Variants in PTPRD observed in about 807,000 individuals in gnomAD.
PTPRD encodes the protein receptor-type tyrosine-protein phosphatase delta.
PTPRD carries 34 observed loss-of-function variants against 214.5 expected under a neutral mutation model. The ratio of observed to expected loss-of-function variants is 0.16; its 90% confidence interval spans 0.12 to 0.21. PTPRD has a LOEUF of 0.21. Ranked by LOEUF, PTPRD falls within the 10% of genes least tolerant of loss-of-function variation. The pLI is 1.00. For missense variants in PTPRD, 2,545 were observed against 2,398.7 expected, an observed-to-expected ratio of 1.06 and a Z score of -1.27; for synonymous variants, 1,128 against 845.7, an observed-to-expected ratio of 1.33 and a Z score of -5.79.
chr9:9,587,946 G>A (rs1194709175), intron 7 of PTPRD, among the ~76,000 whole-genome samples: 1 of 151,960 alleles, frequency 6.6e-6, no homozygotes, highest in Non-Finnish European at 1.5e-5. Flanking sequence ...GCCGACTAAA[G>A]TGACTATATC....
Position 10,253,314 on chromosome 9 carries a change from T to A in PTPRD, c.-545+87649A>T, listed in dbSNP as rs146544648. ...TTCCTAAGGCCAAGAGAAGAGTATT[T>A]CCATCAGTAATTGCCATAGTACCAG... On this transcript the variant is annotated intron_variant, in intron 3 of 45. Coordinates refer to ENST00000381196, the MANE Select transcript of PTPRD (RefSeq NM_002839.4). 2.0e-3 allele frequency among the ~76,000 whole-genome samples: 311 copies of A among 152,292 alleles called. 1 individual carries two copies. Among genetic ancestry groups the A allele is most frequent in the African/African-American group, 7.3e-3 (305 of 41,572 alleles).
intron 2 of PTPRD, among the ~76,000 whole-genome samples, chr9:10,430,232 T>A (rs185067719): frequency 6.6e-6 from 1 of 152,086 alleles, no homozygotes; most frequent in East Asian, 1.9e-4. Flanking sequence ...AAAAGACAAT[T>A]TGATATCCTT....
At chr9:9,171,499 G>A (rs2099917604) in intron 10 of PTPRD, among the ~76,000 whole-genome samples, 1 of 151,670 alleles carries the variant, frequency 6.6e-6, no homozygotes. Flanking sequence ...GTGATTGAAG[G>A]GGTCTTAAAT....
chr9:10,261,133 T>C (rs2093676306), intron 3 of PTPRD, among the ~76,000 whole-genome samples: 1 of 149,884 alleles, frequency 6.7e-6, no homozygotes, highest in Admixed American at 6.7e-5. Context: ...ACTACAAGCC[T>C]TTGTTATTTA....
At chr9:10,092,036 A>T (rs536457029) in intron 3 of PTPRD, among the ~76,000 whole-genome samples, 8 of 151,326 alleles carry the variant, frequency 5.3e-5, no homozygotes, top group Non-Finnish European at 1.0e-4. Context: ...CCTGTCCACA[A>T]GCTTAAAAAT....
At chr9:9,465,841 A>G (rs10759076) in intron 8 of PTPRD, among the ~76,000 whole-genome samples, 128,099 of 151,964 alleles carry the variant, frequency 0.84, 54,103 homozygotes, top group Middle Eastern at 0.94. Context: ...GCTATTGGTA[A>G]GGAGGTGGGT....
intron 10 of PTPRD, among the ~76,000 whole-genome samples, chr9:9,042,212 C>G (rs1351661748): frequency 6.6e-5 from 10 of 152,144 alleles, no homozygotes; most frequent in Middle Eastern, 3.2e-3. Context: ...TTAGGTAACT[C>G]TAGGTGTCAT....
chr9:8,946,739 G>A (rs1351560409), intron 11 of PTPRD, among the ~76,000 whole-genome samples: 2 of 152,150 alleles, frequency 1.3e-5, no homozygotes, highest in East Asian at 1.9e-4. Context: ...TCTTTCAGGA[G>A]CCTGGAGAAG....
intron 2 of PTPRD, among the ~76,000 whole-genome samples, chr9:10,542,322 T>C (rs1222248071): frequency 6.6e-6 from 1 of 152,166 alleles, no homozygotes. Flanking sequence ...TTCTACTTAC[T>C]ATCCACTTGT....
At chr9:10,116,749 C>G (rs924673980) in intron 3 of PTPRD, among the ~76,000 whole-genome samples, 19 of 152,124 alleles carry the variant, frequency 1.2e-4, no homozygotes, top group African/African-American at 4.6e-4. Flanking sequence ...ATTGGCTTGA[C>G]TCATAGTGAA....
intron 10 of PTPRD, among the ~76,000 whole-genome samples, chr9:9,056,633 T>C (rs2154398003): frequency 6.6e-6 from 1 of 152,336 alleles, no homozygotes; most frequent in Admixed American, 6.5e-5. Flanking sequence ...ACCATTTCAC[T>C]TTCTTACTGG....
chr9:9,591,569 C>A (rs1432951586), intron 7 of PTPRD, among the ~76,000 whole-genome samples: 1 of 152,046 alleles, frequency 6.6e-6, no homozygotes, highest in Non-Finnish European at 1.5e-5. Context: ...CTAGGTCTGT[C>A]ACAAAGTATA....
At chr9:8,837,366 T>C (rs1458555925) in intron 11 of PTPRD, among the ~76,000 whole-genome samples, 2 of 152,184 alleles carry the variant, frequency 1.3e-5, no homozygotes, top group Non-Finnish European at 2.9e-5. Context: ...ACATGAGGCA[T>C]ATAAAGATTG....
chr9:9,147,506 T>C (rs2099870687), intron 10 of PTPRD, among the ~76,000 whole-genome samples: 1 of 152,148 alleles, frequency 6.6e-6, no homozygotes. Context: ...GTTAAGAATG[T>C]TTTTTACATT....
intron 10 of PTPRD, among the ~76,000 whole-genome samples, chr9:9,152,284 C>T (rs2099877512): frequency 6.6e-6 from 1 of 152,180 alleles, no homozygotes; most frequent in Non-Finnish European, 1.5e-5. Context: ...CCCGTGACTT[C>T]AAATTTCTCA....
intron 5 of PTPRD, among the ~76,000 whole-genome samples, chr9:9,793,224 T>G (rs1370457527): frequency 6.6e-6 from 1 of 152,160 alleles, no homozygotes; most frequent in Non-Finnish European, 1.5e-5. Context: ...TAGATGCCAA[T>G]TGAATGGAAA....
At chr9:8,459,176 C>A (rs1238378515) in intron 33 of PTPRD, among the ~76,000 whole-genome samples, 2 of 151,688 alleles carry the variant, frequency 1.3e-5, no homozygotes, top group African/African-American at 4.8e-5. Flanking sequence ...ATATAAACCC[C>A]CCAAAAGGGA....
At chr9:9,885,755 G>T (rs560573949) in intron 5 of PTPRD, among the ~76,000 whole-genome samples, 2 of 151,958 alleles carry the variant, frequency 1.3e-5, no homozygotes, top group African/African-American at 4.8e-5. Flanking sequence ...AAGGAAAATA[G>T]TCTGCTGACC....
intron 10 of PTPRD, among the ~76,000 whole-genome samples, chr9:9,075,596 T>A (rs1040355908): frequency 5.3e-5 from 8 of 152,124 alleles, no homozygotes; most frequent in Admixed American, 3.9e-4. Flanking sequence ...ATGTGTGATG[T>A]TCCCCACTCT....
Sources: gnomAD v4.1 joint callset for allele counts (sites outside exome capture counted in the v4.1 genomes callset) on GRCh38, gnomAD v4.1.1 for gene constraint, MANE v1.5 for transcripts, NCBI Gene and HGNC (gene_info 2026-07-23, HGNC 2026-07-21) for gene names.